Variants in KCNH5 observed in about 807,000 individuals in gnomAD.
The protein encoded by KCNH5 is potassium voltage-gated channel subfamily H member 5.
KCNH5 carries 46 observed loss-of-function variants against 96.1 expected under a neutral mutation model. That is an observed-to-expected ratio of 0.48 (90% CI 0.38 to 0.61). The LOEUF (loss-of-function observed/expected upper bound fraction) is 0.61, where lower values mean the gene tolerates loss of function less well. KCNH5 is among the 20% of genes least tolerant of loss of function. The pLI is 0.00. For synonymous variants in KCNH5, 439 were observed against 449.8 expected (o/e 0.98, Z 0.30); for missense variants, 907 against 1,225.8 (o/e 0.74, Z 3.88).
At chr14:62,966,289 T>G (rs1890304205) in intron 6 of KCNH5, among the ~76,000 whole-genome samples, 1 of 152,200 alleles carries the variant, frequency 6.6e-6, no homozygotes, top group African/African-American at 2.4e-5. Flanking sequence ...ATCAGTAGAC[T>G]CAGAAGGGCA....
At chr14:62,796,678 C>A (rs1389940527) in intron 9 of KCNH5, among the ~76,000 whole-genome samples, 1 of 152,136 alleles carries the variant, frequency 6.6e-6, no homozygotes, top group Non-Finnish European at 1.5e-5. Context: ...TTTATTTTGC[C>A]AAGGTTGAGG....
chr14:62,932,294 C>T (rs1889594618), intron 7 of KCNH5, among the ~76,000 whole-genome samples: 3 of 151,838 alleles, frequency 2.0e-5, no homozygotes, highest in Admixed American at 6.6e-5. Context: ...AGATTTTGCA[C>T]TCATGAAGTG....
Position 62,953,884 on chromosome 14 carries a change from G to A in KCNH5, c.943-3325C>T, listed in dbSNP as rs534132233. Among the ~76,000 whole-genome samples, 18 of 152,192 alleles carry A rather than the reference G, an allele frequency of 1.2e-4. 2 individuals carry two copies. The highest frequency in any genetic ancestry group is 1.0e-3 in the South Asian group (5 of 4,820). Reference sequence around the variant, plus strand: ...TCACACTACAAGGGCTATCAGTCTCGTATTTCTTTAAAGCACAACTGTCTA... The same window carrying A: ...TCACACTACAAGGGCTATCAGTCTCATATTTCTTTAAAGCACAACTGTCTA... On this transcript the variant is annotated intron_variant, in intron 6 of 10. Transcript: ENST00000322893.
intron 10 of KCNH5, among the ~76,000 whole-genome samples, chr14:62,748,926 A>C (rs1566648024): frequency 6.6e-6 from 1 of 152,132 alleles, no homozygotes; most frequent in Non-Finnish European, 1.5e-5. Context: ...CTTTCCAAGA[A>C]CTGGGCAGCT....
chr14:62,964,937 G>A (rs527807932), intron 6 of KCNH5, among the ~76,000 whole-genome samples: 7 of 152,078 alleles, frequency 4.6e-5, no homozygotes, highest in South Asian at 2.1e-4. Flanking sequence ...CTATTGCAAC[G>A]GTCTTGAATA....
At chr14:62,949,971 T>G (rs1332104361) in intron 7 of KCNH5, 162 bp downstream of exon 7, 1 of 620,896 alleles carries the variant, frequency 1.6e-6, no homozygotes. Context: ...ATATATTATT[T>G]TGCATTTCTA....
rs563883688 is a variant in KCNH5, at chr14:62,809,793, C to T, written c.1570-7212G>A. Among the ~76,000 whole-genome samples, 240 of 152,206 alleles carry T rather than the reference C, an allele frequency of 1.6e-3. 4 individuals are homozygous for T. The highest frequency in any genetic ancestry group is 1.5e-3 in the Non-Finnish European group (100 of 68,002). ...ATATTATTTTTCAAGAACTATGGTA[C>T]ACGTATTACTAAATTCTAGTCTCAG... On this transcript the variant is annotated intron_variant, in intron 8 of 10. Transcript: ENST00000322893.
chr14:62,864,970 G>C (rs1159516258), intron 7 of KCNH5, among the ~76,000 whole-genome samples: 2 of 152,200 alleles, frequency 1.3e-5, no homozygotes, highest in Non-Finnish European at 2.9e-5. Flanking sequence ...GGCAGCAACA[G>C]AGGAGCCTAT....
At chr14:63,020,926 C>T (rs540972920) in intron 1 of KCNH5, among the ~76,000 whole-genome samples, 24 of 152,202 alleles carry the variant, frequency 1.6e-4, no homozygotes, top group African/African-American at 5.3e-4. Flanking sequence ...GTACCTAGGG[C>T]AGTTAGAAAT....
intron 7 of KCNH5, among the ~76,000 whole-genome samples, chr14:62,903,974 C>CTT (rs1888979623): frequency 2.0e-5 from 3 of 151,794 alleles, no homozygotes; most frequent in Admixed American, 1.3e-4. Context: ...TGAAAAATAT[C>CTT]ATTTTTACAT....
Position 62,707,541 on chromosome 14 carries a change from T to G in KCNH5, c.2934A>C (p.Ser978=). The G allele has an allele frequency of 6.8e-7, 1 of 1,465,206 alleles. No homozygotes were observed. The highest frequency in any genetic ancestry group is 9.0e-7 in the Non-Finnish European group (1 of 1,106,066). 90.8% of individuals were successfully genotyped at this position (1,465,206 alleles called of 1,614,324 possible). The stretch of plus-strand genomic sequence containing the variant: ...GGATTTCATCTTTGTCAGATTCAGG[T>G]GATTCAGGCCTTGAGACACTAAAAA... ...QDIFSVSRPE[S]PESDKDEIHF is the part of the protein sequence containing the mutation. Residue 978 remains serine, a synonymous_variant, in exon 11 of 11, where the codon TCA becomes TCC. Transcript: ENST00000322893.
chr14:63,026,597 T>C lies in KCNH5; in HGVS notation c.74-9643A>G, dbSNP rs371054124. 3.3e-5 allele frequency among the ~76,000 whole-genome samples: 5 copies of C among 152,126 alleles called. No homozygotes were observed. In the East Asian group the frequency reaches 5.8e-4, roughly 18 times the overall value. On this transcript the variant is annotated intron_variant, in intron 1 of 10. Transcript: ENST00000322893. ...GAAATGCAAAGAGCTAACAGTTACA[T>C]GAAAGAAAGCTTAACATCACTAATC...
chr14:62,732,446 C>T (rs906782089), intron 10 of KCNH5, among the ~76,000 whole-genome samples: 5 of 151,848 alleles, frequency 3.3e-5, no homozygotes, highest in Non-Finnish European at 5.9e-5. Flanking sequence ...ATTGGTATCA[C>T]TTACCTCGGC....
At chr14:62,979,976 A>G (rs77482619) in intron 6 of KCNH5, among the ~76,000 whole-genome samples, 11,791 of 152,218 alleles carry the variant, frequency 0.077, 531 homozygotes, top group Non-Finnish European at 0.092. Flanking sequence ...GGACCTGGTG[A>G]GAGGTGATTA....
At chr14:62,910,936 CA>C (rs1566704684) in intron 7 of KCNH5, among the ~76,000 whole-genome samples, 73 of 145,780 alleles carry the variant, frequency 5.0e-4, no homozygotes, top group South Asian at 9.1e-4. Context: ...CACACACACA[CA>C]CACACCCCTC....
At chr14:62,971,662 A>C (rs1440556655) in intron 6 of KCNH5, among the ~76,000 whole-genome samples, 1 of 150,548 alleles carries the variant, frequency 6.6e-6, no homozygotes, top group African/African-American at 2.5e-5. Context: ...AATAGACAAT[A>C]GATTAACTGA....
chr14:62,702,322 C>T lies in KCNH5; in HGVS notation c.*5186G>A, dbSNP rs898049831. 2.0e-5 allele frequency: 3 copies of T among 152,064 alleles called. No homozygotes were observed. The highest frequency in any genetic ancestry group is 7.2e-5 in the African/African-American group (3 of 41,452). The allele number at this position is 152,064 out of a possible 1,614,324, so 9.4% of individuals were successfully genotyped here. On this transcript the variant is annotated 3_prime_UTR_variant, in exon 11 of 11. Transcript: ENST00000322893. ...CCTATCAAGAAAAACCAAACATTTACATTCACATTATCGAGTGCAATTTTT... is the reference window on the plus strand; with the variant it reads ...CCTATCAAGAAAAACCAAACATTTATATTCACATTATCGAGTGCAATTTTT...
intron 3 of KCNH5, 81 bp downstream of exon 3, chr14:63,006,285 T>C: frequency 1.2e-6 from 1 of 811,072 alleles, no homozygotes; most frequent in Non-Finnish European, 2.0e-6. Flanking sequence ...ACATGCTCTC[T>C]ACATTTTAGC....
At chr14:62,710,124 AC>A (rs1421782266) in intron 10 of KCNH5, among the ~76,000 whole-genome samples, 5 of 152,226 alleles carry the variant, frequency 3.3e-5, no homozygotes, top group Admixed American at 3.3e-4. Context: ...TTGATTTTAC[AC>A]CAAAAACCAA....
Sources: gnomAD v4.1 joint callset for allele counts (sites outside exome capture counted in the v4.1 genomes callset) on GRCh38, gnomAD v4.1.1 for gene constraint, MANE v1.5 for transcripts, NCBI Gene and HGNC (gene_info 2026-07-23, HGNC 2026-07-21) for gene names.